RHOBTB1: variants seen among roughly 807,000 people sequenced by gnomAD.
The protein encoded by RHOBTB1 is rho-related BTB domain-containing protein 1.
Under a neutral mutation model 71.6 loss-of-function variants are expected in RHOBTB1, and 40 were observed. That is an observed-to-expected ratio of 0.56 (90% CI 0.43 to 0.73). RHOBTB1 has a LOEUF of 0.73. Among genes scored for constraint, RHOBTB1 ranks in the 30% least tolerant of loss-of-function variants. The probability of loss-of-function intolerance (pLI) is 0.00; values close to 1 mark genes in which losing one functional copy is unlikely to be tolerated. For synonymous variants in RHOBTB1, 319 were observed against 334.9 expected (o/e 0.95, Z 0.52); for missense variants, 797 against 894.0 (o/e 0.89, Z 1.38).
At chr10:60,872,141 G>T in intron 10 of RHOBTB1, 44 bp downstream of exon 10, 1 of 1,365,402 alleles carries the variant, frequency 7.3e-7, no homozygotes, top group Non-Finnish European at 1.0e-6. Flanking sequence ...GCTTCCATGA[G>T]AGGTGAGGAG....
intron 1 of RHOBTB1, 72 bp downstream of exon 1, chr10:60,943,899 G>C (rs1315298320): frequency 2.0e-5 from 3 of 152,240 alleles, no homozygotes; most frequent in Non-Finnish European, 4.4e-5. Flanking sequence ...GCTGGGGCCG[G>C]GGCGGTGGGG....
intron 2 of RHOBTB1, among the ~76,000 whole-genome samples, chr10:60,985,180 A>G (rs926545471): frequency 6.6e-6 from 1 of 152,174 alleles, no homozygotes; most frequent in Admixed American, 6.5e-5. Context: ...ATATGAAGAA[A>G]AATAAAATAC....
chr10:60,994,580 T>A (rs1480289612), intron 1 of RHOBTB1, among the ~76,000 whole-genome samples: 1 of 152,122 alleles, frequency 6.6e-6, no homozygotes, highest in East Asian at 1.9e-4. Context: ...TTCCCTTCTC[T>A]TTTTTTAAAA....
intron 2 of RHOBTB1, among the ~76,000 whole-genome samples, chr10:60,985,307 T>C (rs2086626063): frequency 6.6e-6 from 1 of 152,206 alleles, no homozygotes; most frequent in African/African-American, 2.4e-5. Flanking sequence ...CTCAATAATG[T>C]GGACCTTTTT....
At chr10:61,001,176 T>C (rs1236863392) in intron 1 of RHOBTB1, among the ~76,000 whole-genome samples, 1 of 152,070 alleles carries the variant, frequency 6.6e-6, no homozygotes, top group Non-Finnish European at 1.5e-5. Flanking sequence ...GGCCCTGTGC[T>C]TTGTCAGAGC....
chr10:60,997,529 T>C (rs2087100014), intron 1 of RHOBTB1, among the ~76,000 whole-genome samples: 1 of 152,226 alleles, frequency 6.6e-6, no homozygotes, highest in Non-Finnish European at 1.5e-5. Flanking sequence ...TTTTGGTGCT[T>C]AAAGATAAGC....
At chr10:60,961,851 C>T (rs1371960980) in intron 2 of RHOBTB1, among the ~76,000 whole-genome samples, 1 of 149,644 alleles carries the variant, frequency 6.7e-6, no homozygotes, top group Non-Finnish European at 1.5e-5. Context: ...CTCTATCACC[C>T]AGGCTGGAGT....
At chr10:60,952,921 C>A (rs969279261) in intron 2 of RHOBTB1, among the ~76,000 whole-genome samples, 1 of 152,102 alleles carries the variant, frequency 6.6e-6, no homozygotes, top group African/African-American at 2.4e-5. Flanking sequence ...GCCCTCACAA[C>A]CACAAATTCA....
chr10:60,989,785 C>A (rs534990935), intron 1 of RHOBTB1, among the ~76,000 whole-genome samples: 23 of 152,234 alleles, frequency 1.5e-4, no homozygotes, highest in African/African-American at 4.1e-4. Context: ...GCTCCCTCCA[C>A]CCCTGCTCTC....
chr10:60,922,685 C>T (rs1002326907), intron 2 of RHOBTB1, among the ~76,000 whole-genome samples: 5 of 152,254 alleles, frequency 3.3e-5, no homozygotes, highest in African/African-American at 1.2e-4. Flanking sequence ...CCCAGTGGCT[C>T]CAATAGGAAA....
At chr10:60,971,279 A>G (rs1268558614) in intron 2 of RHOBTB1, among the ~76,000 whole-genome samples, 1 of 152,246 alleles carries the variant, frequency 6.6e-6, no homozygotes, top group East Asian at 1.9e-4. Context: ...GCATCACGCT[A>G]CCTGACTTCA....
chr10:60,986,404 G>GATATATATATATATATATATATATATAT (rs34154360), intron 1 of RHOBTB1, among the ~76,000 whole-genome samples: 1 of 67,636 alleles, frequency 1.5e-5, no homozygotes, highest in African/African-American at 4.0e-5. Flanking sequence ...ATAAATAAAA[G>GATATATATATATATATATATATATATAT]ATATATATAT....
intron 2 of RHOBTB1, among the ~76,000 whole-genome samples, chr10:60,978,582 G>A (rs2086390613): frequency 6.6e-6 from 1 of 152,150 alleles, no homozygotes; most frequent in Admixed American, 6.6e-5. Context: ...CAGTAGCATG[G>A]CTGTGAGTCA....
rs575748301 is a variant in RHOBTB1 at position 60,939,255 on chromosome 10, G to T, written c.-11+2549C>A. Among the ~76,000 whole-genome samples, 14 of 152,250 alleles carry T rather than the reference G, an allele frequency of 9.2e-5. No individual in the cohort carries two copies. The South Asian group carries it at 2.9e-3, about 32-fold the overall frequency. Reference sequence around the variant, plus strand: ...GAGTGTCCTGGGACATCTGGAAAAAGTGGCAGTCATACTCACACACACATC... The same window carrying T: ...GAGTGTCCTGGGACATCTGGAAAAATTGGCAGTCATACTCACACACACATC... On this transcript the variant is annotated intron_variant, in intron 2 of 10. Transcript: ENST00000337910.
At chr10:60,975,078 T>C (rs957359484) in intron 2 of RHOBTB1, among the ~76,000 whole-genome samples, 1 of 152,064 alleles carries the variant, frequency 6.6e-6, no homozygotes, top group African/African-American at 2.4e-5. Flanking sequence ...TATACTAATT[T>C]ACAATAAAAA....
chr10:60,989,196 GA>G (rs11295111), intron 1 of RHOBTB1, among the ~76,000 whole-genome samples: 82,360 of 151,926 alleles, frequency 0.54, 22,626 homozygotes, highest in East Asian at 0.77. Flanking sequence ...AAATGAGAGA[GA>G]AAAAAAGTAG....
chr10:60,872,043 A>G (rs113484424), intron 10 of RHOBTB1, 142 bp downstream of exon 10: 8,301 of 716,198 alleles, frequency 0.012, 64 homozygotes, highest in Non-Finnish European at 0.015. Context: ...GTCATCTCAC[A>G]TTAATATGTG....
chr10:60,902,280 C>A (rs1180412991), intron 4 of RHOBTB1, among the ~76,000 whole-genome samples: 1 of 152,188 alleles, frequency 6.6e-6, no homozygotes, highest in Non-Finnish European at 1.5e-5. Context: ...AAACTTCCAT[C>A]ACAGATTTAA....
chr10:60,894,867 A>G (rs2082088238), intron 4 of RHOBTB1, among the ~76,000 whole-genome samples: 2 of 152,228 alleles, frequency 1.3e-5, no homozygotes, highest in African/African-American at 4.8e-5. Context: ...TCAGAGCTTA[A>G]TTTATATGAC....
Sources: gnomAD v4.1 joint callset for allele counts (sites outside exome capture counted in the v4.1 genomes callset) on GRCh38, gnomAD v4.1.1 for gene constraint, MANE v1.5 for transcripts, NCBI Gene and HGNC (gene_info 2026-07-23, HGNC 2026-07-21) for gene names.